GFRA2: variants seen among roughly 807,000 people sequenced by gnomAD.
GFRA2 encodes the protein GDNF family receptor alpha-2.
GFRA2 carries 17 observed loss-of-function variants against 48.3 expected under a neutral mutation model. The ratio of observed to expected loss-of-function variants is 0.35; its 90% CI spans 0.24 to 0.53. The LOEUF (loss-of-function observed/expected upper bound fraction) is 0.53, where lower values mean the gene tolerates loss of function less well. Among genes scored for constraint, GFRA2 ranks in the 20% least tolerant of loss-of-function variants. The pLI, the probability that GFRA2 is intolerant of heterozygous loss-of-function variation, is 0.93. For missense variants in GFRA2, 660 were observed against 637.3 expected (o/e 1.04, Z -0.38); for synonymous variants, 305 against 257.2 (o/e 1.19, Z -1.78).
rs117862297 is a variant in GFRA2, at chr8:21,781,447, C to T, written c.355+1138G>A. Among the ~76,000 whole-genome samples the T allele has an allele frequency of 6.6e-3, 999 of 152,316 alleles. 5 individuals carry two copies. Among genetic ancestry groups the T allele is most frequent in the Non-Finnish European group, 9.7e-3 (661 of 68,032 alleles). Reference sequence around the variant, plus strand: ...CATGCTGTTCCCTCCACCTCCCACACTCTTCCTGCCTCCCTTCACCTATGT... The same window carrying T: ...CATGCTGTTCCCTCCACCTCCCACATTCTTCCTGCCTCCCTTCACCTATGT... On this transcript the variant is annotated intron_variant, in intron 2 of 8. Transcript: ENST00000524240.
chr8:21,761,060 G>C (rs1435563729), intron 3 of GFRA2, among the ~76,000 whole-genome samples: 1 of 152,096 alleles, frequency 6.6e-6, no homozygotes, highest in Non-Finnish European at 1.5e-5. Context: ...AGAGACTCCA[G>C]GGAGTTGCCC....
chr8:21,697,189 G>T (rs79658491), intron 7 of GFRA2, among the ~76,000 whole-genome samples: 122 of 74,470 alleles, frequency 1.6e-3, no homozygotes, highest in Middle Eastern at 5.1e-3. Context: ...AGAGGAGAGG[G>T]AGAGGGGACA....
chr8:21,706,006 G>C lies in GFRA2; in HGVS notation c.830C>G (p.Ala277Gly). Residue 277 changes from alanine to glycine, a missense_variant, in exon 5 of 9, where the codon GCC becomes GGC. Physicochemically the swap from Ala to Gly is moderately conservative, Grantham distance 60 (BLOSUM62 0). Coordinates refer to ENST00000524240, the MANE Select transcript of GFRA2 (RefSeq NM_001495.5). ...GCAGCTGGTGACCGTCTGGTAGGAG[G>C]CTCGACAATTGGCATGGAAGTCGGC... is the stretch of plus-strand genomic sequence containing the variant. ...RLADFHANCR[A>G]SYQTVTSCPA... 6.3e-7 allele frequency: 1 copy of C among 1,579,462 alleles called. No homozygotes were observed. Among genetic ancestry groups the C allele is most frequent in the South Asian group, 1.2e-5 (1 of 85,808 alleles).
intron 2 of GFRA2, among the ~76,000 whole-genome samples, chr8:21,803,771 T>C (rs1444592716): frequency 6.6e-6 from 1 of 152,198 alleles, no homozygotes; most frequent in Non-Finnish European, 1.5e-5. Context: ...TAGCTGGGAC[T>C]ACAGGCACAA....
chr8:21,712,798 A>G (rs1803122393), intron 4 of GFRA2, among the ~76,000 whole-genome samples: 1 of 152,204 alleles, frequency 6.6e-6, no homozygotes, highest in South Asian at 2.1e-4. Context: ...CGCGGTTAGG[A>G]GCTGGAGACC....
chr8:21,737,385 G>A (rs1804521532), intron 4 of GFRA2, among the ~76,000 whole-genome samples: 1 of 151,680 alleles, frequency 6.6e-6, no homozygotes, highest in African/African-American at 2.4e-5. Context: ...AAAAAGGGGT[G>A]GTGTGAGGAT....
At chr8:21,747,854 ACACATGCG>A (rs2117581046) in intron 4 of GFRA2, among the ~76,000 whole-genome samples, 1 of 152,194 alleles carries the variant, frequency 6.6e-6, no homozygotes, top group East Asian at 1.9e-4. Flanking sequence ...ATACACATGC[ACACATGCG>A]CACACACATA....
At chr8:21,695,806 G>A (rs1302285725) in intron 7 of GFRA2, among the ~76,000 whole-genome samples, 3 of 152,184 alleles carry the variant, frequency 2.0e-5, no homozygotes, top group Non-Finnish European at 2.9e-5. Flanking sequence ...TAATGGCCTC[G>A]CATCTGTCCT....
intron 7 of GFRA2, among the ~76,000 whole-genome samples, 159 bp downstream of exon 7, chr8:21,702,646 T>C (rs1209579059): frequency 2.6e-5 from 4 of 152,168 alleles, no homozygotes; most frequent in Admixed American, 2.6e-4. Context: ...AATGCCCAAA[T>C]AAAGGAACTG....
At chr8:21,726,936 G>T (rs369625520) in intron 4 of GFRA2, among the ~76,000 whole-genome samples, 1 of 151,940 alleles carries the variant, frequency 6.6e-6, no homozygotes, top group South Asian at 2.1e-4. Flanking sequence ...ATTTATAGTA[G>T]AGACTGCGTT....
At chr8:21,698,160 G>T (rs1802302701) in intron 7 of GFRA2, among the ~76,000 whole-genome samples, 1 of 152,178 alleles carries the variant, frequency 6.6e-6, no homozygotes, top group African/African-American at 2.4e-5. Flanking sequence ...AAAGCACACA[G>T]GCCTAGGCTG....
chr8:21,770,757 C>G (rs1445419816), intron 3 of GFRA2, among the ~76,000 whole-genome samples: 1 of 152,166 alleles, frequency 6.6e-6, no homozygotes, highest in East Asian at 1.9e-4. Context: ...ATGCCTCTGC[C>G]CAACCCGCCC....
intron 5 of GFRA2, among the ~76,000 whole-genome samples, chr8:21,705,572 T>C (rs1206133482): frequency 1.3e-5 from 2 of 152,282 alleles, no homozygotes; most frequent in African/African-American, 4.8e-5. Context: ...AAAATGGAGA[T>C]TATCAGCACC....
intron 2 of GFRA2, among the ~76,000 whole-genome samples, chr8:21,801,204 T>TGTC (rs1807763732): frequency 6.6e-6 from 1 of 152,016 alleles, no homozygotes; most frequent in Non-Finnish European, 1.5e-5. Flanking sequence ...GCTCCATCCA[T>TGTC]CACACCCCTT....
At chr8:21,790,162 T>A (rs1807525152), upstream of GFRA2, 1 of 910,760 alleles carries the variant, frequency 1.1e-6, no homozygotes, top group South Asian at 5.0e-5. Flanking sequence ...GAGGTGCGGC[T>A]GCGGTCACGT....
Position 21,750,961 on chromosome 8 carries a change from A to G in GFRA2, c.440-19T>C. On this transcript the variant is annotated intron_variant, in intron 3 of 8. Transcript: ENST00000524240. The surrounding 1 kb of genome is among the most constrained non-coding windows in gnomAD (Gnocchi z 5.7). ...CCTGTCCCTGGAGGAGGAACAAGAGAGCAGGTCAGAGGCCACACAAGCATG... is the reference window on the plus strand; with the variant it reads ...CCTGTCCCTGGAGGAGGAACAAGAGGGCAGGTCAGAGGCCACACAAGCATG... The G allele has an allele frequency of 6.5e-7, 1 of 1,543,662 alleles. No individual in the cohort carries two copies. The highest frequency in any genetic ancestry group is 8.9e-7 in the Non-Finnish European group (1 of 1,123,430).
chr8:21,802,604 T>G (rs1363691376), intron 2 of GFRA2, among the ~76,000 whole-genome samples: 1 of 152,084 alleles, frequency 6.6e-6, no homozygotes, highest in African/African-American at 2.4e-5. Context: ...ATCCTCCCAC[T>G]TTGGCTTCCC....
chr8:21,703,263 G>A (rs1000272738), intron 6 of GFRA2, among the ~76,000 whole-genome samples: 3 of 152,280 alleles, frequency 2.0e-5, no homozygotes, highest in South Asian at 2.1e-4. Context: ...AGAAAAAGAA[G>A]GGGGTGGGAT....
rs1351505854 is a variant in GFRA2, at chr8:21,787,264, G to GA, written c.40+855_40+856insT. ...CTCTCCTCCCTGTCTTGGAGGCGGC[G>GA]GGGGGGGCAGTGGGGGGGGTTTGCA... is the stretch of plus-strand genomic sequence containing the variant. On this transcript the variant is annotated intron_variant, in intron 1 of 8. Transcript: ENST00000524240. Among the ~76,000 whole-genome samples the GA allele has an allele frequency of 3.4e-5, 4 of 118,634 alleles. No individual in the cohort carries two copies. The Admixed American group carries it at 3.4e-4, about 10-fold the overall frequency. The allele number at this position is 118,634 out of a possible 152,430, so 77.8% of individuals were successfully genotyped here. A position where few individuals can be genotyped will look rare whatever the true frequency, so the allele number is the denominator to read the frequency against.
Sources: allele counts gnomAD v4.1 joint callset (sites outside exome capture counted in the v4.1 genomes callset), GRCh38; gene constraint gnomAD v4.1.1; non-coding constraint Gnocchi (gnomAD v3.1); transcripts MANE v1.5; gene names NCBI Gene and HGNC (gene_info 2026-07-23, HGNC 2026-07-21).